The following CNMD variants were observed in gnomAD, a reference collection of about 807,000 sequenced individuals.
CNMD encodes the protein leukocyte cell-derived chemotaxin 1.
CNMD carries 30 observed loss-of-function variants against 37.5 expected under a neutral mutation model. The ratio of observed to expected loss-of-function variants is 0.80; its 90% CI spans 0.60 to 1.09. CNMD has a LOEUF of 1.09. CNMD is among the 50% of genes least tolerant of loss of function. CNMD has a pLI of 0.00. For synonymous variants in CNMD, 167 were observed against 148.2 expected (o/e 1.13, Z -0.92); for missense variants, 398 against 423.9 (o/e 0.94, Z 0.54).
intron 3 of CNMD, among the ~76,000 whole-genome samples, 162 bp from the exon 4 acceptor site, chr13:52,724,272 A>G (rs1964533485): frequency 6.6e-6 from 1 of 152,032 alleles, no homozygotes. Context: ...TTGTTTACCA[A>G]TAATAAAAAA....
chr13:52,714,555 C>G (rs913551473), intron 4 of CNMD, among the ~76,000 whole-genome samples: 10 of 151,906 alleles, frequency 6.6e-5, no homozygotes, highest in African/African-American at 2.2e-4. Context: ...ATTTATTTAC[C>G]ATGGTAAATA....
intron 6 of CNMD, among the ~76,000 whole-genome samples, chr13:52,704,241 A>C (rs986097403): frequency 2.0e-5 from 3 of 152,356 alleles, no homozygotes; most frequent in Admixed American, 6.5e-5. Context: ...GGGCTCTAGA[A>C]GCACTTTTTG....
chr13:52,738,986 C>T, intron 2 of CNMD, 45 bp downstream of exon 2: 1 of 1,515,608 alleles, frequency 6.6e-7, no homozygotes, highest in Non-Finnish European at 8.8e-7. Context: ...CCTAGGGGCA[C>T]CATGGGCGAC....
intron 3 of CNMD, among the ~76,000 whole-genome samples, chr13:52,731,376 C>T (rs149803616): frequency 6.6e-6 from 1 of 152,246 alleles, no homozygotes; most frequent in Non-Finnish European, 1.5e-5. Flanking sequence ...TTGAATTTGA[C>T]CGTTGATTCA....
At chr13:52,725,616 C>T (rs562275145) in intron 3 of CNMD, among the ~76,000 whole-genome samples, 2 of 152,310 alleles carry the variant, frequency 1.3e-5, no homozygotes, top group South Asian at 4.1e-4. Context: ...CCTCCTGCTG[C>T]TGTTAGTTTC....
At chr13:52,711,293 C>T (rs905648567) in intron 5 of CNMD, among the ~76,000 whole-genome samples, 7 of 152,152 alleles carry the variant, frequency 4.6e-5, no homozygotes, top group Middle Eastern at 3.4e-3. Flanking sequence ...AGTTCCTGGG[C>T]GACAGAAAGT....
intron 4 of CNMD, among the ~76,000 whole-genome samples, chr13:52,713,162 T>A (rs1380736839): frequency 1.3e-5 from 2 of 152,190 alleles, no homozygotes; most frequent in African/African-American, 4.8e-5. Context: ...TTTAGGTTAA[T>A]CTGATGTTTT....
intron 6 of CNMD, among the ~76,000 whole-genome samples, chr13:52,706,157 C>A (rs966198871): frequency 3.3e-5 from 5 of 152,076 alleles, no homozygotes; most frequent in Non-Finnish European, 7.4e-5. Flanking sequence ...TAATTAAAGA[C>A]AAGCAAGATA....
intron 4 of CNMD, among the ~76,000 whole-genome samples, chr13:52,713,157 G>T (rs904642543): frequency 2.0e-5 from 3 of 152,142 alleles, no homozygotes; most frequent in African/African-American, 7.2e-5. Flanking sequence ...TGAGATTTAG[G>T]TTAATCTGAT....
intron 5 of CNMD, among the ~76,000 whole-genome samples, chr13:52,709,417 A>G (rs1258767203): frequency 6.6e-6 from 1 of 152,226 alleles, no homozygotes; most frequent in Non-Finnish European, 1.5e-5. Flanking sequence ...TTGTAGCCCT[A>G]AGTATTTCTA....
At chr13:52,729,422 A>G (rs774463433) in intron 3 of CNMD, among the ~76,000 whole-genome samples, 1 of 152,236 alleles carries the variant, frequency 6.6e-6, no homozygotes, top group Non-Finnish European at 1.5e-5. Context: ...GTCTTAATGT[A>G]CAACAAATTT....
Position 52,730,541 on chromosome 13 carries a change from T to G in CNMD, c.354+2678A>C, listed in dbSNP as rs1436974906. 3.3e-5 allele frequency among the ~76,000 whole-genome samples: 5 copies of G among 152,114 alleles called. No individual in the cohort carries two copies. In the East Asian group the frequency reaches 9.7e-4, roughly 29 times the overall value. On this transcript the variant is annotated intron_variant, in intron 3 of 6. Coordinates refer to ENST00000377962, the MANE Select transcript of CNMD (RefSeq NM_007015.3). ...TAACTGGTGTGAGATGGTATCTCAT[T>G]GTGGTTTTGATTTGCATTTCTCTGA...
chr13:52,727,482 T>A (rs1045790428), intron 3 of CNMD, among the ~76,000 whole-genome samples: 67 of 152,090 alleles, frequency 4.4e-4, no homozygotes, highest in African/African-American at 1.4e-3. Flanking sequence ...CACAACATGG[T>A]GAGACCCCAT....
chr13:52,712,914 CA>C (rs1264887162), intron 4 of CNMD, 45 bp from the exon 5 acceptor site: 1 of 1,438,436 alleles, frequency 7.0e-7, no homozygotes, highest in African/African-American at 1.4e-5. Flanking sequence ...GACAGTGAAA[CA>C]AATTGTATTA....
intron 2 of CNMD, 82 bp downstream of exon 2, chr13:52,738,949 C>A: frequency 7.7e-7 from 1 of 1,302,188 alleles, no homozygotes; most frequent in Non-Finnish European, 9.8e-7. Context: ...AGCCGCGCGC[C>A]CCTCGCCGGC....
At chr13:52,724,480 A>G (rs1455560202) in intron 3 of CNMD, among the ~76,000 whole-genome samples, 2 of 151,438 alleles carry the variant, frequency 1.3e-5, no homozygotes, top group Non-Finnish European at 2.9e-5. Flanking sequence ...AGTCCCAGCT[A>G]CTTGGGAGGC....
chr13:52,713,993 G>A (rs930885565), intron 4 of CNMD, among the ~76,000 whole-genome samples: 1 of 152,092 alleles, frequency 6.6e-6, no homozygotes, highest in African/African-American at 2.4e-5. Flanking sequence ...CCAGCCCCAG[G>A]AGAGACACTT....
At chr13:52,722,736 A>T (rs1012417498) in intron 4 of CNMD, among the ~76,000 whole-genome samples, 2 of 152,202 alleles carry the variant, frequency 1.3e-5, no homozygotes, top group African/African-American at 4.8e-5. Context: ...TCTGTATGCA[A>T]TTCCTAAAGT....
intron 4 of CNMD, among the ~76,000 whole-genome samples, chr13:52,720,404 A>G (rs1964462438): frequency 6.6e-6 from 1 of 152,068 alleles, no homozygotes; most frequent in Non-Finnish European, 1.5e-5. Context: ...CCTTTGGAGG[A>G]GAAGAGGCGT....
Sources: allele counts gnomAD v4.1 joint callset (sites outside exome capture counted in the v4.1 genomes callset), GRCh38; gene constraint gnomAD v4.1.1; transcripts MANE v1.5; gene names NCBI Gene and HGNC (gene_info 2026-07-23, HGNC 2026-07-21).